Variants in GPC4 observed in about 807,000 individuals in gnomAD.
GPC4 encodes the protein glypican 4.
In GPC4, 10 loss-of-function variants were observed where a neutral mutation model predicts 35.0. The ratio of observed to expected loss-of-function variants is 0.29; its 90% CI spans 0.18 to 0.48. The LOEUF is 0.48. GPC4 is among the 20% of genes least tolerant of loss of function. GPC4 has a pLI of 0.99. For synonymous variants in GPC4, 167 were observed against 170.2 expected, an observed-to-expected ratio of 0.98 and a Z score of 0.15; for missense variants, 322 against 451.3, an observed-to-expected ratio of 0.71 and a Z score of 2.60.
chrX:133,359,246 G>T (rs2068555563), intron 1 of GPC4, among the ~76,000 whole-genome samples: 1 of 111,506 alleles, frequency 9.0e-6, no homozygotes, highest in Admixed American at 9.6e-5. Flanking sequence ...ATTACTGAGG[G>T]AGTTCGGAAA....
At chrX:133,411,845 G>C (rs5977871) in intron 1 of GPC4, among the ~76,000 whole-genome samples, 1,793 of 111,121 alleles carry the variant, frequency 0.016, 41 homozygotes, top group African/African-American at 0.055. Flanking sequence ...CAAGCAGACA[G>C]GCAATGCAGG....
Position 133,414,920 on chromosome X carries a change from G to A in GPC4, c.46C>T (p.Leu16Phe). The A allele has an allele frequency of 8.3e-7, 1 of 1,211,894 alleles. No homozygotes were observed. The highest frequency in any genetic ancestry group is 1.8e-5 in the South Asian group (1 of 57,052). Residue 16 changes from leucine to phenylalanine, a missense_variant, in exon 1 of 9, where the codon CTC (leucine) becomes TTC (phenylalanine). Coordinates refer to ENST00000370828, the MANE Select transcript of GPC4 (RefSeq NM_001448.3). ...TCGGCAGCCAGCAGCGCGGCGCTGA[G>A]CACTGCCAGGGTGCAGAGAAGCGCG... is the stretch of plus-strand genomic sequence containing the variant. ...LPALLCTLAV[L>F]SAALLAAELK...
intron 1 of GPC4, among the ~76,000 whole-genome samples, chrX:133,399,019 A>T (rs780976057): frequency 2.6e-4 from 29 of 111,153 alleles, no homozygotes; most frequent in African/African-American, 7.5e-4. Context: ...TCTCCTTGAG[A>T]CAACCTGCCC....
intron 7 of GPC4, 110 bp from the exon 8 acceptor site, chrX:133,303,451 A>G (rs2068277056): frequency 6.5e-6 from 4 of 611,898 alleles, no homozygotes. Flanking sequence ...AGATTATACA[A>G]GAGGTTATCA....
chrX:133,304,692 G>C (rs2068283280), intron 7 of GPC4, 33 bp downstream of exon 7: 4 of 1,206,103 alleles, frequency 3.3e-6, no homozygotes, highest in Non-Finnish European at 4.5e-6. Context: ...TCTAGGAAGG[G>C]AGAAACTTCA....
At position 133,305,795 on chromosome X, in the gene GPC4, C is replaced by T; in HGVS notation, c.1132G>A (p.Ala378Thr). The T allele has an allele frequency of 8.3e-7, 1 of 1,212,094 alleles. No homozygotes were observed. The highest frequency in any genetic ancestry group is 1.1e-6 in the Non-Finnish European group (1 of 895,608). The change falls in exon 6 of 9, where the codon GCT (alanine) becomes ACT (threonine). Residue 378 changes from alanine to threonine, a missense_variant. Physicochemically the swap from Ala to Thr is moderately conservative, Grantham distance 58 (BLOSUM62 0). Coordinates refer to ENST00000370828, the MANE Select transcript of GPC4 (RefSeq NM_001448.3). ...ACCAGTCGGTCCAAACTAGTGCCAG[C>T]TGCTGTGGTTGGGCGTTCCTCGGGG... is the stretch of plus-strand genomic sequence containing the variant. ...HHPEERPTTAAGTSLDRLVTD... is the reference protein window; with the variant it reads ...HHPEERPTTATGTSLDRLVTD...
At chrX:133,413,124 T>G (rs2068819812) in intron 1 of GPC4, among the ~76,000 whole-genome samples, 1 of 112,046 alleles carries the variant, frequency 8.9e-6, no homozygotes, top group African/African-American at 3.2e-5. Flanking sequence ...CGGCTGGTGG[T>G]TCACTTCATT....
At chrX:133,400,460 A>C (rs1379110349) in intron 1 of GPC4, among the ~76,000 whole-genome samples, 1 of 112,573 alleles carries the variant, frequency 8.9e-6, no homozygotes, top group Non-Finnish European at 1.9e-5. Flanking sequence ...CAATTTTCAG[A>C]ATTATTGAAT....
intron 1 of GPC4, among the ~76,000 whole-genome samples, chrX:133,367,657 C>T (rs1311331695): frequency 1.8e-5 from 2 of 111,169 alleles, no homozygotes; most frequent in African/African-American, 3.3e-5. Flanking sequence ...TGCTTGAGCC[C>T]GGGAGTTTGA....
chrX:133,358,201 A>C (rs769435835), intron 1 of GPC4, among the ~76,000 whole-genome samples: 33 of 112,130 alleles, frequency 2.9e-4, no homozygotes, highest in Non-Finnish European at 2.3e-4. Flanking sequence ...GTTGATTCTT[A>C]TGAGAGTGCC....
Position 133,340,547 on chromosome X carries a change from G to A in GPC4, c.161-1206C>T, listed in dbSNP as rs778728654. Among the ~76,000 whole-genome samples the A allele has an allele frequency of 5.4e-5, 6 of 111,887 alleles. No individual in the cohort carries two copies. In the East Asian group the frequency reaches 1.7e-3, roughly 32 times the overall value. On this transcript the variant is annotated intron_variant, in intron 1 of 8. Coordinates refer to ENST00000370828, the MANE Select transcript of GPC4 (RefSeq NM_001448.3). ...ATGGTAAGTGTGACCAATCAACAAA[G>A]GGATGGGGAATTAAAAGCTAATCAT...
chrX:133,379,357 G>C (rs1266679958), intron 1 of GPC4, among the ~76,000 whole-genome samples: 1 of 112,335 alleles, frequency 8.9e-6, no homozygotes, highest in Admixed American at 9.4e-5. Context: ...GAAATGTCTA[G>C]AATGAGCAAA....
chrX:133,339,875 G>C, intron 1 of GPC4, among the ~76,000 whole-genome samples: 1 of 112,242 alleles, frequency 8.9e-6, no homozygotes, highest in East Asian at 2.8e-4. Context: ...GGAAACTATA[G>C]GGGTTTATGC....
intron 1 of GPC4, among the ~76,000 whole-genome samples, chrX:133,347,248 G>GTTTTTTTTTT (rs763800349): frequency 3.1e-4 from 8 of 25,424 alleles, no homozygotes; most frequent in African/African-American, 8.3e-4. Context: ...TCTATTAGAA[G>GTTTTTTTTTT]TTTTTTTTTT....
rs369750084 is a variant in GPC4, at chrX:133,331,306, C to A, written c.320-6770G>T. Among the ~76,000 whole-genome samples, 4 of 111,380 alleles carry A rather than the reference C, an allele frequency of 3.6e-5. No homozygotes were observed. The East Asian group carries it at 8.5e-4, about 24-fold the overall frequency. ...GCTTTAGCATGCCCAGAGTTCTGTG[C>A]ATTCGGAAATGCCCAGAGAAGGTTT... On this transcript the variant is annotated intron_variant, in intron 2 of 8. Transcript: ENST00000370828.
chrX:133,371,167 C>T (rs1015511966), intron 1 of GPC4, among the ~76,000 whole-genome samples: 47 of 112,080 alleles, frequency 4.2e-4, no homozygotes, highest in African/African-American at 1.5e-3. Context: ...CCTAAGACTC[C>T]TTCCTGTTCA....
intron 1 of GPC4, among the ~76,000 whole-genome samples, chrX:133,348,425 A>G (rs1346965290): frequency 8.9e-6 from 1 of 112,340 alleles, no homozygotes; most frequent in African/African-American, 3.2e-5. Flanking sequence ...AAACTCTCCA[A>G]AAATTCTGAG....
intron 1 of GPC4, among the ~76,000 whole-genome samples, chrX:133,365,804 T>G (rs750059539): frequency 3.6e-5 from 4 of 112,497 alleles, no homozygotes; most frequent in Non-Finnish European, 7.5e-5. Context: ...ATAAGCCTGT[T>G]AAAACCTACA....
At chrX:133,337,254 T>C (rs1327214444) in intron 2 of GPC4, among the ~76,000 whole-genome samples, 2 of 112,629 alleles carry the variant, frequency 1.8e-5, no homozygotes, top group Admixed American at 9.4e-5. Context: ...AAAAACTTTC[T>C]ATCCTTTTTA....
Sources: gnomAD v4.1 joint callset for allele counts (sites outside exome capture counted in the v4.1 genomes callset) on GRCh38, gnomAD v4.1.1 for gene constraint, MANE v1.5 for transcripts, NCBI Gene and HGNC (gene_info 2026-07-23, HGNC 2026-07-21) for gene names.